NUP210L: variants seen among roughly 807,000 people sequenced by gnomAD.
The protein encoded by NUP210L is nuclear pore membrane glycoprotein 210-like.
A neutral mutation model predicts 208.5 loss-of-function variants in NUP210L; 74 were observed. That is an observed-to-expected ratio of 0.35 (90% CI 0.29 to 0.43). NUP210L has a LOEUF of 0.43. Among genes scored for constraint, NUP210L ranks in the 20% least tolerant of loss-of-function variants. NUP210L has a pLI of 1.00. For synonymous variants in NUP210L, 780 were observed against 816.9 expected (o/e 0.95, Z 0.77); for missense variants, 1,843 against 2,289.4 (o/e 0.81, Z 3.98).
intron 33 of NUP210L, among the ~76,000 whole-genome samples, chr1:154,012,694 C>T (rs945186767): frequency 5.3e-5 from 8 of 152,072 alleles, no homozygotes; most frequent in Non-Finnish European, 1.0e-4. Context: ...ACGTATGTGT[C>T]ACCATGCCTA....
At chr1:154,034,739 G>A (rs1488823106) in intron 27 of NUP210L, among the ~76,000 whole-genome samples, 1 of 151,910 alleles carries the variant, frequency 6.6e-6, no homozygotes, top group African/African-American at 2.4e-5. Context: ...ATGTATCTAG[G>A]AATTTATCTA....
chr1:154,150,048 C>T (rs940695369), intron 2 of NUP210L, among the ~76,000 whole-genome samples: 2 of 151,990 alleles, frequency 1.3e-5, no homozygotes, highest in East Asian at 1.9e-4. Flanking sequence ...GGCAACATGG[C>T]GAAACCCCTA....
intron 33 of NUP210L, among the ~76,000 whole-genome samples, chr1:154,012,614 C>G (rs1050987067): frequency 6.6e-6 from 1 of 151,584 alleles, no homozygotes; most frequent in Non-Finnish European, 1.5e-5. Flanking sequence ...ATGATCATGG[C>G]TGACTGAAGC....
chr1:154,044,350 T>C (rs1316753857), intron 27 of NUP210L, among the ~76,000 whole-genome samples: 3 of 149,804 alleles, frequency 2.0e-5, no homozygotes, highest in African/African-American at 7.4e-5. Flanking sequence ...GAGGTTGCAG[T>C]GAGCCGAGAT....
intron 27 of NUP210L, among the ~76,000 whole-genome samples, chr1:154,038,276 G>A (rs1652670215): frequency 1.3e-5 from 2 of 150,920 alleles, no homozygotes; most frequent in South Asian, 4.2e-4. Flanking sequence ...GGGACTAGAA[G>A]TGCACACCAC....
intron 2 of NUP210L, among the ~76,000 whole-genome samples, chr1:154,145,724 A>G (rs1340258381): frequency 6.6e-6 from 1 of 152,240 alleles, no homozygotes; most frequent in Non-Finnish European, 1.5e-5. Flanking sequence ...GTGCAAGATT[A>G]GAATTGAAGA....
intron 1 of NUP210L, among the ~76,000 whole-genome samples, chr1:154,154,302 G>C (rs1434732519): frequency 6.6e-6 from 1 of 152,152 alleles, no homozygotes. Flanking sequence ...TGCAAAAAGC[G>C]AATGAGTTAA....
At chr1:154,060,963 G>A in exon 19 of NUP210L, 1 of 1,611,576 alleles carries the variant, frequency 6.2e-7, no homozygotes, top group South Asian at 1.1e-5. Context: ...GGTGGTTATA[G>A]ATGGTGGCAT....
chr1:154,103,689 GAAAAAA>G (rs1211927440), intron 13 of NUP210L, among the ~76,000 whole-genome samples: 1 of 124,552 alleles, frequency 8.0e-6, no homozygotes. Flanking sequence ...AAAAAAAAAA[GAAAAAA>G]AAAAACAAAA....
intron 12 of NUP210L, among the ~76,000 whole-genome samples, chr1:154,114,299 T>TAAATA (rs1368600708): frequency 6.6e-6 from 1 of 152,090 alleles, no homozygotes; most frequent in Non-Finnish European, 1.5e-5. Flanking sequence ...AAAAAATTAA[T>TAAATA]AAATAAAATA....
intron 16 of NUP210L, 96 bp from the exon 17 acceptor site, chr1:154,070,561 C>T: frequency 3.6e-6 from 3 of 843,434 alleles, no homozygotes; most frequent in Non-Finnish European, 1.7e-6. Flanking sequence ...AGTTTTCTCT[C>T]AATATTTTTA....
chr1:154,099,438 C>T (rs375666645), intron 14 of NUP210L, among the ~76,000 whole-genome samples: 1 of 152,182 alleles, frequency 6.6e-6, no homozygotes, highest in African/African-American at 2.4e-5. Flanking sequence ...ATGGCAGCAG[C>T]TGCTCCAGAC....
At chr1:154,060,238 C>T (rs1272894948) in intron 20 of NUP210L, among the ~76,000 whole-genome samples, 1 of 152,112 alleles carries the variant, frequency 6.6e-6, no homozygotes, top group Admixed American at 6.6e-5. Context: ...GACTCTATCT[C>T]AATAAATAAA....
At chr1:154,097,934 C>T (rs951572241) in intron 14 of NUP210L, among the ~76,000 whole-genome samples, 4 of 152,178 alleles carry the variant, frequency 2.6e-5, no homozygotes, top group Non-Finnish European at 4.4e-5. Context: ...TTTGTTTGGG[C>T]CCACTGGGCT....
At chr1:154,047,612 C>A (rs1653257034) in intron 25 of NUP210L, among the ~76,000 whole-genome samples, 1 of 152,232 alleles carries the variant, frequency 6.6e-6, no homozygotes, top group South Asian at 2.1e-4. Context: ...GATAACTAGC[C>A]AAAGCCCATC....
chr1:154,011,751 C>T lies in NUP210L; in HGVS notation c.4780+493G>A, dbSNP rs190791195. The stretch of plus-strand genomic sequence containing the variant: ...CCGCCTAGGCTGGAGTCCAGTGGTG[C>T]GATCTCGGCTCACTCTAACCCCCGC... On this transcript the variant is annotated intron_variant, in intron 34 of 39. Transcript: ENST00000368559. Among the ~76,000 whole-genome samples, 748 of 127,902 alleles carry T rather than the reference C, an allele frequency of 5.8e-3. 3 individuals are homozygous for T. Among genetic ancestry groups the T allele is most frequent in the Non-Finnish European group, 7.8e-3 (502 of 64,644 alleles). 83.9% of individuals were successfully genotyped at this position (127,902 alleles called of 152,430 possible).
intron 33 of NUP210L, among the ~76,000 whole-genome samples, chr1:154,017,611 G>A (rs1651333454): frequency 6.6e-6 from 1 of 150,700 alleles, no homozygotes; most frequent in Non-Finnish European, 1.5e-5. Context: ...CTGCCTCCTG[G>A]GTTCAAGCGA....
chr1:154,018,404 A>G (rs1651384315), intron 33 of NUP210L, among the ~76,000 whole-genome samples: 1 of 152,128 alleles, frequency 6.6e-6, no homozygotes, highest in Non-Finnish European at 1.5e-5. Context: ...CCAATTTTAC[A>G]TATCCAAAGA....
At chr1:153,999,122 C>T (rs1352230341) in intron 37 of NUP210L, among the ~76,000 whole-genome samples, 2 of 152,106 alleles carry the variant, frequency 1.3e-5, no homozygotes, top group African/African-American at 4.8e-5. Flanking sequence ...AAACCAGATG[C>T]TCACGTAAAC....
Sources: allele counts gnomAD v4.1 joint callset (sites outside exome capture counted in the v4.1 genomes callset), GRCh38; gene constraint gnomAD v4.1.1; transcripts MANE v1.5; gene names NCBI Gene and HGNC (gene_info 2026-07-23, HGNC 2026-07-21).